SLC1A2: variants seen among roughly 807,000 people sequenced by gnomAD.
SLC1A2 encodes excitatory amino acid transporter 2.
In SLC1A2, 15 loss-of-function variants were observed where a neutral mutation model predicts 48.8. The ratio of observed to expected loss-of-function variants is 0.31; its 90% CI spans 0.21 to 0.47. The LOEUF (loss-of-function observed/expected upper bound fraction) is 0.47. Among genes scored for constraint, SLC1A2 ranks in the 20% least tolerant of loss-of-function variants. The probability of loss-of-function intolerance (pLI) is 0.99; values close to 1 mark genes in which losing one functional copy is unlikely to be tolerated. For synonymous variants in SLC1A2, 279 were observed against 272.6 expected, an observed-to-expected ratio of 1.02 and a Z score of -0.23; for missense variants, 502 against 730.5, an observed-to-expected ratio of 0.69 and a Z score of 3.61.
At chr11:35,317,257 T>C in intron 2 of SLC1A2, 120 bp downstream of exon 2, 2 of 1,072,298 alleles carry the variant, frequency 1.9e-6, no homozygotes. Flanking sequence ...GACAGGGCCC[T>C]AGGCAAACCA....
In SLC1A2 at chr11:35,252,530, C is replaced by T. The variant is rs911574584; in HGVS notation, c.*8364G>A. 6.6e-6 allele frequency: 1 copy of T among 152,196 alleles called. No individual in the cohort carries two copies. The highest frequency in any genetic ancestry group is 1.5e-5 in the Non-Finnish European group (1 of 68,050). 9.4% of individuals were successfully genotyped at this position (152,196 alleles called of 1,614,324 possible). A position where few individuals can be genotyped will look rare whatever the true frequency, so the allele number is the denominator to read the frequency against. On this transcript the variant is annotated 3_prime_UTR_variant, in exon 11 of 11. Transcript: ENST00000278379. The stretch of plus-strand genomic sequence containing the variant: ...ACCAGGACACACACCCAGCCCATCC[C>T]TGCTCTGAATTGTGTATTTACAAAG...
chr11:35,297,137 C>T lies in SLC1A2; in HGVS notation c.857+4382G>A, dbSNP rs552227302. 9.2e-5 allele frequency among the ~76,000 whole-genome samples: 14 copies of T among 152,242 alleles called. No homozygotes were observed. The South Asian group carries it at 1.9e-3, about 20-fold the overall frequency. On this transcript the variant is annotated intron_variant, in intron 6 of 10. Transcript: ENST00000278379. ...TCTTCTGGGCTCTTTGCTAAACCTT[C>T]CTTATAAAATCCGGTTTAGCAAAAA...
In SLC1A2 at chr11:35,265,518, G is replaced by A. The variant is rs368968326; in HGVS notation, c.1653+9C>T. ...TACAAGTCTCGATATCCATGAATGG[G>A]AAATGTACCTTGCATTCATCTACTA... is the stretch of plus-strand genomic sequence containing the variant. On this transcript the variant is annotated intron_variant, in intron 10 of 10. Coordinates refer to ENST00000278379, the MANE Select transcript of SLC1A2 (RefSeq NM_004171.4). 15 of 1,414,396 alleles carry A rather than the reference G, an allele frequency of 1.1e-5. No homozygotes were observed. In the African/African-American group the frequency reaches 2.0e-4, roughly 19 times the overall value. The allele number at this position is 1,414,396 out of a possible 1,614,324, so 87.6% of individuals were successfully genotyped here. A position where few individuals can be genotyped will look rare whatever the true frequency, so the allele number is the denominator to read the frequency against.
chr11:35,280,100 T>C (rs1213675575), intron 9 of SLC1A2, among the ~76,000 whole-genome samples: 1 of 152,232 alleles, frequency 6.6e-6, no homozygotes, highest in Non-Finnish European at 1.5e-5. Flanking sequence ...GGTTTCCTTG[T>C]GTTCCTTCCC....
chr11:35,369,660 C>T (rs1853991390), intron 1 of SLC1A2, among the ~76,000 whole-genome samples: 1 of 152,202 alleles, frequency 6.6e-6, no homozygotes, highest in African/African-American at 2.4e-5. Flanking sequence ...CTTAGAATTT[C>T]TACTTCAAGA....
At chr11:35,300,080 T>A (rs1425939415) in intron 6 of SLC1A2, among the ~76,000 whole-genome samples, 1 of 152,156 alleles carries the variant, frequency 6.6e-6, no homozygotes, top group Non-Finnish European at 1.5e-5. Flanking sequence ...AATGAGAGAA[T>A]AGATACTCAT....
chr11:35,324,990 G>T (rs977871908), intron 1 of SLC1A2, among the ~76,000 whole-genome samples: 1 of 152,098 alleles, frequency 6.6e-6, no homozygotes, highest in Admixed American at 6.5e-5. Flanking sequence ...GGAACATATT[G>T]GCCAGCCTAG....
At chr11:35,350,729 A>G (rs1244792800) in intron 1 of SLC1A2, among the ~76,000 whole-genome samples, 1 of 152,222 alleles carries the variant, frequency 6.6e-6, no homozygotes, top group Non-Finnish European at 1.5e-5. Flanking sequence ...TTAAATACTT[A>G]TAGCTGCAGC....
At chr11:35,371,172 ACTGTTGAAACT>A in intron 1 of SLC1A2, 2 of 567,790 alleles carry the variant, frequency 3.5e-6, no homozygotes, top group Non-Finnish European at 4.5e-6. Context: ...TGTCTCACCC[ACTGTTGAAACT>A]CTGAATGCAA....
chr11:35,412,655 A>G (rs1314795266), intron 1 of SLC1A2, among the ~76,000 whole-genome samples: 1 of 152,218 alleles, frequency 6.6e-6, no homozygotes, highest in East Asian at 1.9e-4. Context: ...TCCTAGAGGG[A>G]CAAGACCAGT....
intron 1 of SLC1A2, among the ~76,000 whole-genome samples, chr11:35,324,715 A>G (rs1349672231): frequency 1.3e-5 from 2 of 152,130 alleles, no homozygotes; most frequent in Non-Finnish European, 2.9e-5. Context: ...CTATGATGGA[A>G]TGACTGGATA....
Position 35,257,206 on chromosome 11 carries a change from C to T in SLC1A2, c.*3688G>A. 6.6e-6 allele frequency: 1 copy of T among 152,134 alleles called. No individual in the cohort carries two copies. Among genetic ancestry groups the T allele is most frequent in the South Asian group, 2.1e-4 (1 of 4,818 alleles). The allele number at this position is 152,134 out of a possible 1,614,324, so 9.4% of individuals were successfully genotyped here. On this transcript the variant is annotated 3_prime_UTR_variant, in exon 11 of 11. Transcript: ENST00000278379. ...TGGAAATGACCAGAGACCCTCTAATCAACAGGTCATTGAGATTCCTGGCAT... is the reference window on the plus strand; with the variant it reads ...TGGAAATGACCAGAGACCCTCTAATTAACAGGTCATTGAGATTCCTGGCAT...
chr11:35,339,103 T>G lies in SLC1A2; in HGVS notation c.18-21587A>C, dbSNP rs189000049. 3.3e-4 allele frequency among the ~76,000 whole-genome samples: 50 copies of G among 152,336 alleles called. 1 individual carries two copies. The East Asian group carries it at 8.1e-3, about 25-fold the overall frequency. On this transcript the variant is annotated intron_variant, in intron 1 of 10. Coordinates refer to ENST00000278379, the MANE Select transcript of SLC1A2 (RefSeq NM_004171.4). ...AGTAGAGTACTGGCTTCTCATGCAG[T>G]AATTTGGGGCAAGTTATGACAAAGA...
At chr11:35,359,023 A>C (rs1853587701) in intron 1 of SLC1A2, among the ~76,000 whole-genome samples, 1 of 152,184 alleles carries the variant, frequency 6.6e-6, no homozygotes, top group South Asian at 2.1e-4. Flanking sequence ...TTTCCCACCA[A>C]ATACAGGCAG....
At chr11:35,365,228 G>C (rs1202669876) in intron 1 of SLC1A2, among the ~76,000 whole-genome samples, 2 of 152,160 alleles carry the variant, frequency 1.3e-5, no homozygotes, top group African/African-American at 4.8e-5. Context: ...GGTGCTTCTG[G>C]TCCCTCTGGG....
chr11:35,413,048 C>T (rs1855513051), intron 1 of SLC1A2, among the ~76,000 whole-genome samples: 1 of 152,148 alleles, frequency 6.6e-6, no homozygotes, highest in African/African-American at 2.4e-5. Context: ...AATAATTCTT[C>T]AAATCCAAAA....
At chr11:35,309,827 T>C (rs1409575526) in intron 4 of SLC1A2, among the ~76,000 whole-genome samples, 2 of 151,972 alleles carry the variant, frequency 1.3e-5, no homozygotes, top group African/African-American at 2.4e-5. Flanking sequence ...GTAACCATCC[T>C]CTCCCTGAGG....
At chr11:35,275,871 C>A (rs1002066051) in intron 9 of SLC1A2, among the ~76,000 whole-genome samples, 2 of 152,102 alleles carry the variant, frequency 1.3e-5, no homozygotes, top group Non-Finnish European at 2.9e-5. Flanking sequence ...TAGCCCCCAC[C>A]ACCACTTACA....
chr11:35,344,552 A>C (rs1852959860), intron 1 of SLC1A2, among the ~76,000 whole-genome samples: 1 of 152,174 alleles, frequency 6.6e-6, no homozygotes, highest in Non-Finnish European at 1.5e-5. Context: ...CTTTCCTTAC[A>C]ATTTCAGACC....
Sources: allele counts gnomAD v4.1 joint callset (sites outside exome capture counted in the v4.1 genomes callset), GRCh38; gene constraint gnomAD v4.1.1; transcripts MANE v1.5; gene names NCBI Gene and HGNC (gene_info 2026-07-23, HGNC 2026-07-21).